SLC6A11: variants seen among roughly 807,000 people sequenced by gnomAD.
SLC6A11 encodes the protein sodium- and chloride-dependent GABA transporter 3.
A neutral mutation model predicts 74.8 loss-of-function variants in SLC6A11; 25 were observed. The observed-to-expected ratio is 0.33, with a 90% CI of 0.24 to 0.47. The LOEUF (loss-of-function observed/expected upper bound fraction) is 0.47. Ranked by LOEUF, SLC6A11 falls within the 20% of genes least tolerant of loss-of-function variation. SLC6A11 has a pLI of 1.00. For missense variants in SLC6A11, 574 were observed against 837.0 expected, an observed-to-expected ratio of 0.69 and a Z score of 3.88; for synonymous variants, 330 against 330.2, an observed-to-expected ratio of 1.00 and a Z score of 0.01.
intron 13 of SLC6A11, among the ~76,000 whole-genome samples, chr3:10,936,830 C>A (rs927627783): frequency 6.6e-5 from 10 of 152,232 alleles, no homozygotes; most frequent in Non-Finnish European, 1.2e-4. Flanking sequence ...CTCCAGAGAT[C>A]ATCTCCGGCC....
At chr3:10,840,979 G>A (rs574606671) in intron 4 of SLC6A11, among the ~76,000 whole-genome samples, 36 of 152,286 alleles carry the variant, frequency 2.4e-4, no homozygotes, top group Non-Finnish European at 4.3e-4. Context: ...CCGCTTCCCC[G>A]AGGTGGAGCA....
chr3:10,937,789 G>A (rs577183615), intron 13 of SLC6A11, among the ~76,000 whole-genome samples: 2 of 152,268 alleles, frequency 1.3e-5, no homozygotes, highest in South Asian at 2.1e-4. Context: ...CACCTTCCCC[G>A]ACATGATGGC....
intron 5 of SLC6A11, among the ~76,000 whole-genome samples, chr3:10,862,516 G>T (rs538454943): frequency 1.3e-5 from 2 of 152,304 alleles, no homozygotes; most frequent in South Asian, 4.1e-4. Context: ...TAATGAGCAT[G>T]GTTGCTATTT....
intron 5 of SLC6A11, among the ~76,000 whole-genome samples, chr3:10,861,601 A>T (rs988768201): frequency 1.3e-5 from 2 of 152,140 alleles, no homozygotes; most frequent in Non-Finnish European, 2.9e-5. Context: ...GAGGCAGAAA[A>T]CTAGAAAAGT....
chr3:10,827,627 A>C (rs1248687075), intron 4 of SLC6A11, among the ~76,000 whole-genome samples: 1 of 152,190 alleles, frequency 6.6e-6, no homozygotes, highest in Non-Finnish European at 1.5e-5. Flanking sequence ...GTCTGCTATT[A>C]TAGTTCAATC....
chr3:10,824,627 G>T (rs1047878220), intron 4 of SLC6A11: 4 of 151,928 alleles, frequency 2.6e-5, no homozygotes, highest in Non-Finnish European at 2.9e-5. Flanking sequence ...GCTCAATATT[G>T]GTTCTTAGAT....
intron 10 of SLC6A11, among the ~76,000 whole-genome samples, chr3:10,929,813 C>T (rs1881365): frequency 0.7 from 107,055 of 152,048 alleles, 38,017 homozygotes; most frequent in Admixed American, 0.75. Flanking sequence ...GACTTCTATG[C>T]GTGCCCCTCT....
At chr3:10,884,837 G>A (rs1695024145) in intron 6 of SLC6A11, among the ~76,000 whole-genome samples, 1 of 152,276 alleles carries the variant, frequency 6.6e-6, no homozygotes, top group East Asian at 1.9e-4. Context: ...TTGGGACAAC[G>A]TTCTACTCAC....
At chr3:10,931,405 G>A (rs1402750165) in intron 10 of SLC6A11, among the ~76,000 whole-genome samples, 3 of 151,974 alleles carry the variant, frequency 2.0e-5, no homozygotes, top group African/African-American at 7.3e-5. Flanking sequence ...GTGGGGGCGG[G>A]TCTTAGGTAT....
rs548450081 is a variant in SLC6A11 at position 10,819,743 on chromosome 3, C to T, written c.423C>T (p.Ala141=). ...GCTATGCAACACAGGTGATTGAGGC[C>T]CATCTGAATGTGTACTACATCATCA... The part of the protein sequence containing the change: ...GIGYATQVIE[A]HLNVYYIIIL... Residue 141 remains alanine, a synonymous_variant, in exon 3 of 14, where the codon GCC becomes GCT. Coordinates refer to ENST00000254488, the MANE Select transcript of SLC6A11 (RefSeq NM_014229.3). 3 of 1,614,186 alleles carry T rather than the reference C, an allele frequency of 1.9e-6. No individual in the cohort carries two copies. In the South Asian group the frequency reaches 3.3e-5, roughly 18 times the overall value.
At chr3:10,823,260 G>A in intron 3 of SLC6A11, 42 bp from the exon 4 acceptor site, 2 of 1,426,652 alleles carry the variant, frequency 1.4e-6, no homozygotes, top group Non-Finnish European at 2.0e-6. Flanking sequence ...AGCTTTCATG[G>A]AGATTAATTT....
intron 5 of SLC6A11, among the ~76,000 whole-genome samples, chr3:10,851,711 G>C (rs1694578522): frequency 6.6e-6 from 1 of 152,244 alleles, no homozygotes; most frequent in African/African-American, 2.4e-5. Flanking sequence ...AAATGTGCAT[G>C]GTGCGTAAGC....
At chr3:10,919,250 G>A (rs1457105038) in intron 8 of SLC6A11, among the ~76,000 whole-genome samples, 2 of 152,136 alleles carry the variant, frequency 1.3e-5, no homozygotes, top group Non-Finnish European at 2.9e-5. Context: ...GATTTCCATG[G>A]TATTTGAATT....
At chr3:10,876,432 G>T (rs2106605922) in intron 6 of SLC6A11, among the ~76,000 whole-genome samples, 1 of 152,204 alleles carries the variant, frequency 6.6e-6, no homozygotes, top group East Asian at 1.9e-4. Context: ...GTTTTTATGA[G>T]GTCCATGCAT....
intron 13 of SLC6A11, among the ~76,000 whole-genome samples, chr3:10,937,492 G>A (rs551867624): frequency 1.3e-5 from 2 of 152,354 alleles, no homozygotes; most frequent in Admixed American, 1.3e-4. Flanking sequence ...AAAAGACTTT[G>A]CAACCTTCCT....
intron 6 of SLC6A11, among the ~76,000 whole-genome samples, chr3:10,879,871 T>C (rs996486271): frequency 6.6e-6 from 1 of 152,168 alleles, no homozygotes; most frequent in Non-Finnish European, 1.5e-5. Context: ...TCAATGAGCA[T>C]TGGAGCTCTT....
chr3:10,821,566 A>G (rs73814442), intron 3 of SLC6A11, among the ~76,000 whole-genome samples: 1 of 152,090 alleles, frequency 6.6e-6, no homozygotes, highest in Non-Finnish European at 1.5e-5. Flanking sequence ...TGTCAGTTTC[A>G]TTTTTCTGTT....
At chr3:10,935,976 C>T (rs1695755311) in intron 13 of SLC6A11, among the ~76,000 whole-genome samples, 1 of 152,168 alleles carries the variant, frequency 6.6e-6, no homozygotes, top group Non-Finnish European at 1.5e-5. Flanking sequence ...TGGATGTTTC[C>T]TGTCACTGGA....
chr3:10,860,808 A>G (rs1207758846), intron 5 of SLC6A11, among the ~76,000 whole-genome samples: 1 of 152,232 alleles, frequency 6.6e-6, no homozygotes, highest in African/African-American at 2.4e-5. Context: ...ATTATCTAAA[A>G]GGGGGACACA....
Sources: allele counts gnomAD v4.1 joint callset (sites outside exome capture counted in the v4.1 genomes callset), GRCh38; gene constraint gnomAD v4.1.1; transcripts MANE v1.5; gene names NCBI Gene and HGNC (gene_info 2026-07-23, HGNC 2026-07-21).